NAV2: variants seen among roughly 807,000 people sequenced by gnomAD.
The protein encoded by NAV2 is neuron navigator 2.
A neutral mutation model predicts 223.2 loss-of-function variants in NAV2; 54 were observed. That is an observed-to-expected ratio of 0.24 (90% CI 0.19 to 0.30). The LOEUF (loss-of-function observed/expected upper bound fraction) is 0.30, where lower values mean the gene tolerates loss of function less well. NAV2 is among the 10% of genes least tolerant of loss of function. The pLI is 1.00. For synonymous variants in NAV2, 1,279 were observed against 1,239.3 expected (o/e 1.03, Z -0.67); for missense variants, 2,806 against 3,147.5 (o/e 0.89, Z 2.60).
At chr11:19,839,450 T>C (rs1368326832) in intron 2 of NAV2, among the ~76,000 whole-genome samples, 24 of 152,116 alleles carry the variant, frequency 1.6e-4, no homozygotes, top group Admixed American at 1.5e-3. Context: ...TTCTTAGAAG[T>C]GGGAAGACCT....
At chr11:19,723,504 A>G (rs895518127) in intron 1 of NAV2, among the ~76,000 whole-genome samples, 1 of 152,204 alleles carries the variant, frequency 6.6e-6, no homozygotes, top group Admixed American at 6.5e-5. Context: ...CTACTGCTTT[A>G]GATAATCAAA....
intron 1 of NAV2, among the ~76,000 whole-genome samples, chr11:19,718,081 G>A (rs1322963538): frequency 8.8e-6 from 1 of 113,918 alleles, no homozygotes; most frequent in Non-Finnish European, 1.6e-5. Flanking sequence ...GCAGGAAACT[G>A]TGTTCTGCAG....
intron 1 of NAV2, among the ~76,000 whole-genome samples, chr11:19,522,936 T>A (rs1473297692): frequency 6.6e-6 from 1 of 152,230 alleles, no homozygotes; most frequent in East Asian, 1.9e-4. Flanking sequence ...TTGGGAATAA[T>A]GATGGCTGTT....
chr11:19,949,914 T>C (rs2047245064), intron 10 of NAV2, among the ~76,000 whole-genome samples: 1 of 152,216 alleles, frequency 6.6e-6, no homozygotes. Flanking sequence ...TGTTTCTCTG[T>C]GTGCTCATAT....
At position 19,757,270 on chromosome 11, in the gene NAV2, G is replaced by A. The variant is rs1434686783; in HGVS notation, c.267+43308G>A. On this transcript the variant is annotated intron_variant, in intron 1 of 37. Coordinates refer to ENST00000349880, the MANE Select transcript of NAV2 (RefSeq NM_145117.5). The stretch of plus-strand genomic sequence containing the variant: ...ACCCTTGACTGTCCTATAAGGGAGC[G>A]GGCTTGAGAGTAACACAGTTGGCCT... Among the ~76,000 whole-genome samples, 7 of 152,194 alleles carry A rather than the reference G, an allele frequency of 4.6e-5. No homozygotes were observed. The South Asian group carries it at 8.3e-4, about 18-fold the overall frequency.
At chr11:19,794,009 T>C (rs35665941) in intron 1 of NAV2, among the ~76,000 whole-genome samples, 49,338 of 151,702 alleles carry the variant, frequency 0.33, 9,187 homozygotes, top group East Asian at 0.69. Context: ...CATCACAAAC[T>C]GAAATCGCCT....
intron 1 of NAV2, among the ~76,000 whole-genome samples, chr11:19,812,213 T>C (rs909088503): frequency 2.6e-5 from 4 of 151,894 alleles, no homozygotes; most frequent in Admixed American, 1.3e-4. Flanking sequence ...TTATGATGAG[T>C]TCCCAGGCCA....
At position 19,942,845 on chromosome 11, in the gene NAV2, T is replaced by A. The variant is rs76432229; in HGVS notation, c.2146+3072T>A. ...GCAAAGAAAACAAATTAGCCAGGCA[T>A]GGTGGTGCATCTCTGTAGCCCTAGC... is the stretch of plus-strand genomic sequence containing the variant. On this transcript the variant is annotated intron_variant, in intron 8 of 37. Coordinates refer to ENST00000349880, the MANE Select transcript of NAV2 (RefSeq NM_145117.5). 9.0e-3 allele frequency among the ~76,000 whole-genome samples: 1,370 copies of A among 152,214 alleles called. 72 individuals are homozygous for A. Among genetic ancestry groups the A allele is most frequent in the Admixed American group, 0.077 (1,183 of 15,278 alleles).
At chr11:20,021,643 A>G (rs1338913532) in intron 11 of NAV2, among the ~76,000 whole-genome samples, 1 of 152,044 alleles carries the variant, frequency 6.6e-6, no homozygotes, top group East Asian at 1.9e-4. Flanking sequence ...TTTTTGTCTT[A>G]ATATATCTGG....
chr11:19,655,382 C>G (rs539917830), intron 1 of NAV2, among the ~76,000 whole-genome samples: 43 of 152,180 alleles, frequency 2.8e-4, no homozygotes, highest in African/African-American at 8.7e-4. Flanking sequence ...CCCAGCCATC[C>G]CATTAATGGG....
chr11:19,350,874 C>G (rs929234777), exon 1 of NAV2: 1 of 1,414,622 alleles, frequency 7.1e-7, no homozygotes, highest in Admixed American at 2.0e-5. Context: ...TTGCATGCAT[C>G]ACTTTTGTGT....
In NAV2 at chr11:19,957,988, T is replaced by G. The variant is rs535300985; in HGVS notation, c.2645+8908T>G. On this transcript the variant is annotated intron_variant, in intron 10 of 37. Transcript: ENST00000349880. ...TTCTTGGGAATTTCCTAACTAGCTT[T>G]GAGGCTTGAATCCCTTCCTGCCTCC... Among the ~76,000 whole-genome samples the G allele has an allele frequency of 2.6e-5, 4 of 152,350 alleles. No individual in the cohort carries two copies. The East Asian group carries it at 7.7e-4, about 29-fold the overall frequency.
Position 19,892,466 on chromosome 11 carries a change from C to T in NAV2, c.803C>T (p.Ala268Val), listed in dbSNP as rs1252488605. The T allele has an allele frequency of 1.9e-6, 3 of 1,614,126 alleles. No homozygotes were observed. The Admixed American group carries it at 5.0e-5, about 27-fold the overall frequency. The change falls in exon 6 of 38, where the codon GCA becomes GTA. Residue 268 changes from alanine to valine, a missense_variant. Ala to Val is a moderately conservative substitution (Grantham distance 64). Coordinates refer to ENST00000349880, the MANE Select transcript of NAV2 (RefSeq NM_145117.5). The stretch of plus-strand genomic sequence containing the variant: ...GGTCCTACCGCGAGGGTATCCGCTG[C>T]AGGCAGCGAGGCCAAAACACGCGGA... Reference protein sequence around the residue: ...LPGPTARVSAAGSEAKTRGGS... With the variant: ...LPGPTARVSAVGSEAKTRGGS...
intron 6 of NAV2, among the ~76,000 whole-genome samples, chr11:19,920,583 G>A (rs555197212): frequency 1.3e-5 from 2 of 152,158 alleles, no homozygotes; most frequent in Admixed American, 6.5e-5. Flanking sequence ...CACCGAGCCC[G>A]GCTAAATGAA....
intron 1 of NAV2, among the ~76,000 whole-genome samples, chr11:19,524,633 G>T (rs1297917632): frequency 6.6e-6 from 1 of 151,446 alleles, no homozygotes; most frequent in African/African-American, 2.5e-5. Context: ...TTGGTGGGGG[G>T]CTGGGCCTAA....
intron 1 of NAV2, among the ~76,000 whole-genome samples, chr11:19,731,158 C>T (rs1778196537): frequency 6.6e-6 from 1 of 152,172 alleles, no homozygotes; most frequent in Admixed American, 6.5e-5. Context: ...TCCTTTATGC[C>T]ACCAAGGTGG....
chr11:19,750,848 T>G (rs2053745648), intron 1 of NAV2, among the ~76,000 whole-genome samples: 1 of 152,190 alleles, frequency 6.6e-6, no homozygotes, highest in Non-Finnish European at 1.5e-5. Flanking sequence ...ATTGCTGCTC[T>G]CATTTGTGGA....
chr11:19,749,561 A>C (rs1173476839), intron 1 of NAV2, among the ~76,000 whole-genome samples: 1 of 152,186 alleles, frequency 6.6e-6, no homozygotes, highest in South Asian at 2.1e-4. Flanking sequence ...GTCTGAATTA[A>C]GCTCCTTATG....
At chr11:19,890,841 T>G (rs2041447714) in intron 5 of NAV2, among the ~76,000 whole-genome samples, 1 of 152,190 alleles carries the variant, frequency 6.6e-6, no homozygotes, top group Admixed American at 6.5e-5. Context: ...CTGCTAGTAT[T>G]TTGTACTCCG....
Sources: gnomAD v4.1 joint callset for allele counts (sites outside exome capture counted in the v4.1 genomes callset) on GRCh38, gnomAD v4.1.1 for gene constraint, MANE v1.5 for transcripts, NCBI Gene and HGNC (gene_info 2026-07-23, HGNC 2026-07-21) for gene names.